Variants in ADGRL2 observed in about 807,000 individuals in gnomAD.
The protein encoded by ADGRL2 is calcium-independent alpha-latrotoxin receptor 2.
In ADGRL2, 44 loss-of-function variants were observed where a neutral mutation model predicts 157.4. The ratio of observed to expected loss-of-function variants is 0.28; its 90% CI spans 0.22 to 0.36. The LOEUF is 0.36. Among genes scored for constraint, ADGRL2 ranks in the 10% least tolerant of loss-of-function variants. The probability of loss-of-function intolerance (pLI) is 1.00; values close to 1 mark genes in which losing one functional copy is unlikely to be tolerated. For synonymous variants in ADGRL2, 585 were observed against 624.7 expected (o/e 0.94, Z 0.95); for missense variants, 1,510 against 1,768.9 (o/e 0.85, Z 2.63).
At chr1:81,667,945 ACT>A (rs1391934491) in intron 3 of ADGRL2, among the ~76,000 whole-genome samples, 3 of 152,150 alleles carry the variant, frequency 2.0e-5, no homozygotes, top group Non-Finnish European at 4.4e-5. Context: ...ATAATGTCTA[ACT>A]CTCTCAGTGA....
At chr1:81,850,937 A>G (rs1193871029) in intron 2 of ADGRL2, among the ~76,000 whole-genome samples, 1 of 151,886 alleles carries the variant, frequency 6.6e-6, no homozygotes. Flanking sequence ...ATTCAAAACT[A>G]TTTTAAATGA....
intron 2 of ADGRL2, among the ~76,000 whole-genome samples, chr1:81,876,939 G>A (rs2093855643): frequency 6.6e-6 from 1 of 152,112 alleles, no homozygotes; most frequent in African/African-American, 2.4e-5. Context: ...GTTTTCTAAT[G>A]TAGTGGAATT....
intron 1 of ADGRL2, among the ~76,000 whole-genome samples, chr1:81,321,646 C>T (rs1441142961): frequency 2.0e-5 from 3 of 152,162 alleles, no homozygotes; most frequent in Admixed American, 2.0e-4. Flanking sequence ...GGAACCCACA[C>T]ATTTATCAAT....
At chr1:81,722,674 A>T (rs1185346128) in intron 1 of ADGRL2, 3 of 1,249,368 alleles carry the variant, frequency 2.4e-6, no homozygotes, top group Non-Finnish European at 3.5e-6. Flanking sequence ...AGTTCAACCT[A>T]GGGCACAGGA....
chr1:81,514,676 A>T (rs1236814052), intron 2 of ADGRL2: 1 of 152,206 alleles, frequency 6.6e-6, no homozygotes, highest in East Asian at 1.9e-4. Flanking sequence ...ATGTTCATGA[A>T]GTTTTCTGAA....
At chr1:81,687,047 C>T (rs1327629641) in intron 3 of ADGRL2, among the ~76,000 whole-genome samples, 1 of 152,086 alleles carries the variant, frequency 6.6e-6, no homozygotes, top group African/African-American at 2.4e-5. Flanking sequence ...CATTTTATGG[C>T]CTATCATATG....
At chr1:81,431,877 T>C (rs1243087639) in intron 1 of ADGRL2, among the ~76,000 whole-genome samples, 1 of 152,210 alleles carries the variant, frequency 6.6e-6, no homozygotes, top group Non-Finnish European at 1.5e-5. Flanking sequence ...TGAATGTTCA[T>C]GAAGTTTTCT....
chr1:81,651,214 T>A (rs1312181923), intron 3 of ADGRL2, among the ~76,000 whole-genome samples: 3 of 152,200 alleles, frequency 2.0e-5, no homozygotes, highest in Non-Finnish European at 4.4e-5. Flanking sequence ...AGATGCACAC[T>A]GGGTTTTTTC....
intron 2 of ADGRL2, among the ~76,000 whole-genome samples, chr1:81,774,886 T>G (rs879452982): frequency 6.6e-6 from 1 of 152,146 alleles, no homozygotes; most frequent in Non-Finnish European, 1.5e-5. Context: ...TACTTTTATA[T>G]GTATAATAGT....
At chr1:81,413,343 T>C (rs2076980322) in intron 1 of ADGRL2, among the ~76,000 whole-genome samples, 1 of 152,086 alleles carries the variant, frequency 6.6e-6, no homozygotes, top group Non-Finnish European at 1.5e-5. Flanking sequence ...TTGTAATAAA[T>C]TCATCCACTC....
At chr1:81,600,742 A>G (rs2081318225) in intron 3 of ADGRL2, among the ~76,000 whole-genome samples, 1 of 152,264 alleles carries the variant, frequency 6.6e-6, no homozygotes, top group Admixed American at 6.5e-5. Context: ...GTTTAAAAAC[A>G]TGACATTAAT....
In ADGRL2 at chr1:81,969,267, C is replaced by A. The variant is rs771937889; in HGVS notation, c.2613C>A (p.Phe871Leu). The change falls in exon 15 of 24, where the codon TTC becomes TTA. Residue 871 changes from phenylalanine (F) to leucine (L), a missense_variant. Physicochemically the swap from Phe to Leu is conservative, Grantham distance 22 (BLOSUM62 0). Around this residue, in one of 4 missense-constraint regions of ADGRL2, gnomAD observed 497 missense variants for 627.2 expected, o/e 0.79. Coordinates refer to ENST00000686636, the MANE Select transcript of ADGRL2 (RefSeq NM_001366006.2). ...ISLVCLAICI[F>L]TFCFFRGLQS... Reference sequence around the variant, plus strand: ...TTGTTTGCCTGGCTATCTGCATCTTCACCTTCTGCTTTTTCCGTGGCCTAC... The same window carrying A: ...TTGTTTGCCTGGCTATCTGCATCTTAACCTTCTGCTTTTTCCGTGGCCTAC... The A allele has an allele frequency of 1.1e-5, 18 of 1,614,028 alleles. No individual in the cohort carries two copies. The highest frequency in any genetic ancestry group is 1.4e-5 in the Non-Finnish European group (17 of 1,179,916).
intron 6 of ADGRL2, among the ~76,000 whole-genome samples, chr1:81,949,645 A>C (rs1361135724): frequency 2.6e-5 from 4 of 152,196 alleles, no homozygotes; most frequent in Admixed American, 6.5e-5. Flanking sequence ...TTTGGATCTA[A>C]TCAGGCATGC....
At chr1:81,960,426 A>G (rs1654959756) in intron 11 of ADGRL2, among the ~76,000 whole-genome samples, 1 of 151,992 alleles carries the variant, frequency 6.6e-6, no homozygotes, top group Admixed American at 6.6e-5. Context: ...AGATGTTATC[A>G]GCCTGATCCA....
At chr1:81,933,502 A>T (rs895634521) in intron 3 of ADGRL2, among the ~76,000 whole-genome samples, 5 of 152,106 alleles carry the variant, frequency 3.3e-5, no homozygotes, top group South Asian at 2.1e-4. Context: ...GCTTAACTCT[A>T]CCTTTTCGCT....
intron 1 of ADGRL2, among the ~76,000 whole-genome samples, chr1:81,434,001 A>G (rs1003803517): frequency 6.6e-6 from 1 of 152,152 alleles, no homozygotes; most frequent in African/African-American, 2.4e-5. Flanking sequence ...CTGACTTTTT[A>G]GTGGAAGCTC....
intron 17 of ADGRL2, among the ~76,000 whole-genome samples, chr1:81,977,018 T>C (rs1019669704): frequency 1.3e-5 from 2 of 151,932 alleles, no homozygotes; most frequent in African/African-American, 4.8e-5. Context: ...AGGAGACTTC[T>C]AATCTTTTCA....
chr1:81,394,032 T>C (rs1425828554), intron 1 of ADGRL2, among the ~76,000 whole-genome samples: 1 of 152,080 alleles, frequency 6.6e-6, no homozygotes, highest in Non-Finnish European at 1.5e-5. Context: ...TACATCAATA[T>C]ATAGATGTCT....
rs1491077271 is a variant in ADGRL2, at chr1:81,466,669, T to TCA, written c.-248+21582_-248+21583dup. Among the ~76,000 whole-genome samples the TCA allele has an allele frequency of 9.1e-4, 44 of 48,446 alleles. 2 individuals carry two copies. Among genetic ancestry groups the TCA allele is most frequent in the African/African-American group, 3.4e-4 (5 of 14,502 alleles). 31.8% of individuals were successfully genotyped at this position (48,446 alleles called of 152,430 possible). On this transcript the variant is annotated intron_variant, in intron 2 of 24. Coordinates refer to the ADGRL2 transcript ENST00000370721. Reference sequence around the variant, plus strand: ...TAATGACATATAACATCTCTCTCTCTCACGCGCGCGCACACACACACACAT... The same window carrying TCA: ...TAATGACATATAACATCTCTCTCTCTCACACGCGCGCGCACACACACACACAT...
Sources: gnomAD v4.1 joint callset for allele counts (sites outside exome capture counted in the v4.1 genomes callset) on GRCh38, gnomAD v4.1.1 for gene constraint, gnomAD v4.1.1 regional missense constraint, MANE v1.5 for transcripts, NCBI Gene and HGNC (gene_info 2026-07-23, HGNC 2026-07-21) for gene names.